CARS1: variants seen among roughly 807,000 people sequenced by gnomAD.
The protein encoded by CARS1 is cysteine--tRNA ligase, cytoplasmic.
CARS1 carries 48 observed loss-of-function variants against 106.2 expected under a neutral mutation model. The observed-to-expected ratio is 0.45, with a 90% CI of 0.36 to 0.57. CARS1 has a LOEUF of 0.57. Among genes scored for constraint, CARS1 ranks in the 20% least tolerant of loss-of-function variants. The pLI is 0.00. For missense variants in CARS1, 968 were observed against 1,057.2 expected, an observed-to-expected ratio of 0.92 and a Z score of 1.17; for synonymous variants, 409 against 403.4, an observed-to-expected ratio of 1.01 and a Z score of -0.17.
rs778138201 is a variant in CARS1 at position 3,029,253 on chromosome 11, T to A, written c.942+50A>T. On this transcript the variant is annotated intron_variant, in intron 8 of 22. Transcript: ENST00000380525. The surrounding 1 kb of genome is among the most constrained non-coding windows in gnomAD (Gnocchi z 5.9). ...CCTTGCCAAAACAGGAATTTAGAAA[T>A]CAGGGCCCTTAGCGCAAGAGAGCCA... 1 of 1,597,178 alleles carries A rather than the reference T, an allele frequency of 6.3e-7. No homozygotes were observed. Among genetic ancestry groups the A allele is most frequent in the East Asian group, 2.2e-5 (1 of 44,584 alleles).
intron 1 of CARS1, among the ~76,000 whole-genome samples, chr11:3,054,261 C>T (rs535674732): frequency 5.2e-4 from 79 of 152,326 alleles, no homozygotes; most frequent in African/African-American, 1.8e-3. Context: ...CCAAGAACAG[C>T]ATCTCCATCT....
chr11:3,057,132 G>A (rs1856292541), intron 1 of CARS1, among the ~76,000 whole-genome samples: 1 of 148,298 alleles, frequency 6.7e-6, no homozygotes, highest in Admixed American at 6.7e-5. Flanking sequence ...CCCGCCCCTC[G>A]GACCCAAGGA....
At chr11:3,047,419 C>A (rs1448478344) in intron 2 of CARS1, among the ~76,000 whole-genome samples, 1 of 152,180 alleles carries the variant, frequency 6.6e-6, no homozygotes, top group African/African-American at 2.4e-5. Context: ...ACAGCCTTAG[C>A]TAAAAATCAC....
rs181477539 is a variant in CARS1 at position 3,054,569 on chromosome 11, C to T, written c.25+2774G>A. Among the ~76,000 whole-genome samples the T allele has an allele frequency of 1.6e-3, 247 of 152,352 alleles. 1 individual carries two copies. The highest frequency in any genetic ancestry group is 5.6e-3 in the African/African-American group (233 of 41,586). ...CTATTGTGAGTCTGAAGAGAATCAT[C>T]AAAGGCAGCACAGCACAGCAGTTAA... On this transcript the variant is annotated intron_variant, in intron 1 of 22. Transcript: ENST00000380525.
intron 18 of CARS1, chr11:3,009,614 T>C (rs575714149): frequency 6.6e-6 from 1 of 152,460 alleles, no homozygotes; most frequent in Non-Finnish European, 1.5e-5. Context: ...ATCTCCCCAG[T>C]GCAGAGGGCC....
In CARS1 at chr11:3,038,031, G is replaced by T. The variant is rs200953649; in HGVS notation, c.801+19C>A. 5.6e-6 allele frequency: 9 copies of T among 1,605,316 alleles called. No individual in the cohort carries two copies. The highest frequency in any genetic ancestry group is 1.7e-4 in the Middle Eastern group (1 of 6,018). On this transcript the variant is annotated intron_variant, in intron 7 of 22. Coordinates refer to ENST00000380525, the MANE Select transcript of CARS1 (RefSeq NM_001014437.3). This position sits in a 1 kb window ranked among gnomAD's most constrained non-coding sequence, Gnocchi z 4.0. ...CATTTGACCCGAACGGGCTGTCTGG[G>T]AGATGTGTGAAGCCTCACCTCCACA... is the stretch of plus-strand genomic sequence containing the variant.
chr11:3,032,421 C>T (rs929147333), intron 7 of CARS1, among the ~76,000 whole-genome samples: 9 of 152,084 alleles, frequency 5.9e-5, no homozygotes, highest in African/African-American at 2.2e-4. Flanking sequence ...TTTCAACTGG[C>T]ATCTGAATTG....
rs999812873 is a variant in CARS1 at position 3,003,231 on chromosome 11, C to T, written c.2218-631G>A. The stretch of plus-strand genomic sequence containing the variant: ...GGAGGTTCTGGCCTGAGCCATTGCA[C>T]GAACAGACATGCCCTCCACTGACGG... On this transcript the variant is annotated intron_variant, in intron 20 of 22. Coordinates refer to ENST00000380525, the MANE Select transcript of CARS1 (RefSeq NM_001014437.3). This position sits in a 1 kb window ranked among gnomAD's most constrained non-coding sequence, Gnocchi z 4.8. Among the ~76,000 whole-genome samples, 5 of 152,154 alleles carry T rather than the reference C, an allele frequency of 3.3e-5. No homozygotes were observed. Among genetic ancestry groups the T allele is most frequent in the African/African-American group, 1.2e-4 (5 of 41,438 alleles).
chr11:3,027,700 C>T (rs144597042), intron 9 of CARS1: 254 of 357,766 alleles, frequency 7.1e-4, no homozygotes, highest in African/African-American at 4.6e-3. Flanking sequence ...TGAGGAGTGA[C>T]CAGAAGACAA....
At chr11:3,012,053 G>A (rs1164921105) in intron 18 of CARS1, 142 bp downstream of exon 18, 11 of 744,016 alleles carry the variant, frequency 1.5e-5, no homozygotes, top group South Asian at 3.2e-5. Flanking sequence ...CCGGGATGCC[G>A]TTCAACACCC....
chr11:3,011,565 G>A (rs1297790008), intron 18 of CARS1, among the ~76,000 whole-genome samples: 1 of 152,220 alleles, frequency 6.6e-6, no homozygotes, highest in Non-Finnish European at 1.5e-5. Flanking sequence ...AGTGAGCCGA[G>A]ATCGCGCCAC....
rs959217331 is a variant in CARS1, at chr11:3,028,442, G to A, written c.1031+554C>T. 1.2e-5 allele frequency: 3 copies of A among 240,850 alleles called. No homozygotes were observed. Among genetic ancestry groups the A allele is most frequent in the Non-Finnish European group, 2.4e-5 (3 of 125,070 alleles). The allele number at this position is 240,850 out of a possible 1,614,324, so 14.9% of individuals were successfully genotyped here. On this transcript the variant is annotated intron_variant, in intron 9 of 22. Transcript: ENST00000380525. This position sits in a 1 kb window ranked among gnomAD's most constrained non-coding sequence, Gnocchi z 4.4. The stretch of plus-strand genomic sequence containing the variant: ...AAAAACCCACCGACCCTGTGGGGCT[G>A]GTCCCTACACACTACAGACAGATAA...
intron 18 of CARS1, among the ~76,000 whole-genome samples, chr11:3,011,844 G>C (rs1850492159): frequency 6.6e-6 from 1 of 152,212 alleles, no homozygotes; most frequent in African/African-American, 2.4e-5. Flanking sequence ...AATGGCAGGT[G>C]GTGACTGGGC....
At position 3,006,955 on chromosome 11, in the gene CARS1, AG is replaced by A. The variant is rs757305474; in HGVS notation, c.2072del (p.Pro691LeufsTer32). On this transcript the variant is annotated frameshift_variant, in exon 19 of 23. Transcript: ENST00000380525. LOFTEE classifies it high-confidence loss of function. Reference sequence around the variant, plus strand: ...GGGCATCGCTGAGCTGCAGAATCTCAGGGACTGTAGGAGAAGCAGAGCAGTT... The same window carrying A: ...GGGCATCGCTGAGCTGCAGAATCTCAGGACTGTAGGAGAAGCAGAGCAGTT... ...VRKIAREQKVPEILQLSDALR... is the reference protein window; with the variant it reads ...VRKIAREQKVXEILQLSDALR... 6.2e-7 allele frequency: 1 copy of A among 1,609,740 alleles called. No homozygotes were observed. The highest frequency in any genetic ancestry group is 8.5e-7 in the Non-Finnish European group (1 of 1,176,244).
chr11:3,001,161 G>A lies in CARS1; in HGVS notation c.2449C>T (p.Leu817Phe), dbSNP rs763258683. ...GCCATCTGCAGATATTCCTTGTAGA[G>A]CTTCTCCTGAGCCTCGAAGAGCTTC... ...LKKLFEAQEK[L>F]YKEYLQMAQN... Residue 817 changes from leucine to phenylalanine, a missense_variant, in exon 23 of 23, where the codon CTC (leucine) becomes TTC (phenylalanine). Physicochemically the swap from Leu to Phe is conservative, Grantham distance 22 (BLOSUM62 0). Transcript: ENST00000380525. 15 of 1,614,008 alleles carry A rather than the reference G, an allele frequency of 9.3e-6. No individual in the cohort carries two copies. The highest frequency in any genetic ancestry group is 1.2e-5 in the Non-Finnish European group (14 of 1,180,036).
At chr11:3,033,232 A>G (rs900594802) in intron 7 of CARS1, among the ~76,000 whole-genome samples, 7 of 152,122 alleles carry the variant, frequency 4.6e-5, no homozygotes, top group African/African-American at 1.7e-4. Context: ...GGTATAGCTA[A>G]GTGGATGGCA....
At chr11:3,024,218 T>C (rs566370779) in intron 10 of CARS1, among the ~76,000 whole-genome samples, 7 of 152,294 alleles carry the variant, frequency 4.6e-5, no homozygotes, top group Admixed American at 2.0e-4. Flanking sequence ...CTTTGTTTTT[T>C]AATAACTACA....
rs1162212389 is a variant in CARS1, at chr11:3,020,953, G to C, written c.1154-621C>G. Among the ~76,000 whole-genome samples the C allele has an allele frequency of 6.6e-6, 1 of 152,218 alleles. No homozygotes were observed. Among genetic ancestry groups the C allele is most frequent in the Non-Finnish European group, 1.5e-5 (1 of 68,052 alleles). ...CCAGGAAGGCCATAAGAAAAGGGGAGTACTGCTCTTGGCACAAGTTCTATT... is the reference window on the plus strand; with the variant it reads ...CCAGGAAGGCCATAAGAAAAGGGGACTACTGCTCTTGGCACAAGTTCTATT... On this transcript the variant is annotated intron_variant, in intron 10 of 22. Coordinates refer to ENST00000380525, the MANE Select transcript of CARS1 (RefSeq NM_001014437.3). This position sits in a 1 kb window ranked among gnomAD's most constrained non-coding sequence, Gnocchi z 4.6.
chr11:3,012,172 T>A (rs944009032), intron 18 of CARS1, 23 bp downstream of exon 18: 3 of 1,610,124 alleles, frequency 1.9e-6, no homozygotes, highest in African/African-American at 2.7e-5. Context: ...GCTCCCACAC[T>A]CTTTCCAGCA....
Sources: gnomAD v4.1 joint callset for allele counts (sites outside exome capture counted in the v4.1 genomes callset) on GRCh38, gnomAD v4.1.1 for gene constraint, Gnocchi (gnomAD v3.1) non-coding constraint, MANE v1.5 for transcripts, NCBI Gene and HGNC (gene_info 2026-07-23, HGNC 2026-07-21) for gene names.